FLVCR2: variants seen among roughly 807,000 people sequenced by gnomAD.
FLVCR2 encodes the protein choline/ethanolamine transporter FLVCR2.
FLVCR2 carries 38 observed loss-of-function variants against 48.9 expected under a neutral mutation model. That is an observed-to-expected ratio of 0.78 (90% CI 0.60 to 1.02). The LOEUF (loss-of-function observed/expected upper bound fraction) is 1.02, where lower values mean the gene tolerates loss of function less well. Ranked by LOEUF, FLVCR2 falls within the 50% of genes least tolerant of loss-of-function variation. The pLI is 0.00. For synonymous variants in FLVCR2, 255 were observed against 257.0 expected (o/e 0.99, Z 0.07); for missense variants, 664 against 663.3 (o/e 1.00, Z -0.01).
chr14:75,607,126 T>G (rs1489237256), intron 1 of FLVCR2, among the ~76,000 whole-genome samples: 1 of 152,146 alleles, frequency 6.6e-6, no homozygotes, highest in Non-Finnish European at 1.5e-5. Context: ...GTTTGGGGCC[T>G]CCAGCAGGAT....
Position 75,646,386 on chromosome 14 carries a change from TG to T in FLVCR2, c.1510-14del. The T allele has an allele frequency of 6.2e-7, 1 of 1,608,620 alleles. No individual in the cohort carries two copies. The highest frequency in any genetic ancestry group is 8.5e-7 in the Non-Finnish European group (1 of 1,175,236). On this transcript the variant is annotated splice_polypyrimidine_tract_variant and intron_variant, in intron 9 of 9. Transcript: ENST00000238667. ...GCCTTTACCCACAGCACTGCCTGTTTGTTTTGCTTTATAGAAACTCCAAGAG... is the reference window on the plus strand; with the variant it reads ...GCCTTTACCCACAGCACTGCCTGTTTTTTTGCTTTATAGAAACTCCAAGAG...
intron 1 of FLVCR2, among the ~76,000 whole-genome samples, chr14:75,586,790 T>C (rs1888763358): frequency 6.6e-6 from 1 of 151,974 alleles, no homozygotes; most frequent in South Asian, 2.1e-4. Flanking sequence ...TCCAACATTC[T>C]TCCTTTCGAC....
At chr14:75,607,292 TC>T (rs1889317375) in intron 1 of FLVCR2, among the ~76,000 whole-genome samples, 1 of 152,174 alleles carries the variant, frequency 6.6e-6, no homozygotes, top group African/African-American at 2.4e-5. Flanking sequence ...ATCTATCTTT[TC>T]CCTCTCTACC....
chr14:75,589,759 G>T (rs890545448), intron 1 of FLVCR2, among the ~76,000 whole-genome samples: 1 of 152,212 alleles, frequency 6.6e-6, no homozygotes, highest in African/African-American at 2.4e-5. Context: ...ATATGCGCCT[G>T]CAGATTAGCA....
At chr14:75,609,751 G>A (rs1047493838) in intron 1 of FLVCR2, among the ~76,000 whole-genome samples, 18 of 152,312 alleles carry the variant, frequency 1.2e-4, no homozygotes, top group Admixed American at 7.8e-4. Context: ...GATTTAGAAG[G>A]AAACATGGGA....
At chr14:75,594,676 C>T (rs1235124625) in intron 1 of FLVCR2, among the ~76,000 whole-genome samples, 1 of 152,002 alleles carries the variant, frequency 6.6e-6, no homozygotes, top group East Asian at 1.9e-4. Context: ...ATAACAAACC[C>T]ACCCTCATAA....
At chr14:75,618,149 G>A (rs182758444) in intron 1 of FLVCR2, among the ~76,000 whole-genome samples, 42 of 152,260 alleles carry the variant, frequency 2.8e-4, no homozygotes, top group Admixed American at 1.4e-3. Context: ...TAAGCAGGAC[G>A]TTTTCCAAAG....
intron 3 of FLVCR2, among the ~76,000 whole-genome samples, chr14:75,630,475 C>T (rs1330391678): frequency 6.6e-6 from 1 of 152,142 alleles, no homozygotes; most frequent in African/African-American, 2.4e-5. Flanking sequence ...GATTCTGATT[C>T]AGTAGGTCTA....
At position 75,578,927 on chromosome 14, in the gene FLVCR2, C is replaced by T. The variant is rs1331477272; in HGVS notation, c.-46C>T. ...CAGAGGCCACTGTCCCTTAAGACTGCCGGAGTCCTCACCACTTCTCCAGGA... is the reference window on the plus strand; with the variant it reads ...CAGAGGCCACTGTCCCTTAAGACTGTCGGAGTCCTCACCACTTCTCCAGGA... On this transcript the variant is annotated 5_prime_UTR_variant, in exon 1 of 10. Coordinates refer to ENST00000238667, the MANE Select transcript of FLVCR2 (RefSeq NM_017791.3). 6.3e-7 allele frequency: 1 copy of T among 1,583,802 alleles called. No homozygotes were observed. Among genetic ancestry groups the T allele is most frequent in the Middle Eastern group, 1.7e-4 (1 of 6,010 alleles).
chr14:75,610,141 C>T (rs558933161), intron 1 of FLVCR2, among the ~76,000 whole-genome samples: 13 of 152,328 alleles, frequency 8.5e-5, no homozygotes, highest in African/African-American at 3.1e-4. Context: ...TTCCTCCTTC[C>T]TAGCCGAGTC....
intron 2 of FLVCR2, among the ~76,000 whole-genome samples, 198 bp from the exon 3 acceptor site, chr14:75,624,414 A>G (rs1195049227): frequency 4.6e-5 from 7 of 152,186 alleles, no homozygotes. Context: ...AATGGTATCA[A>G]AGGACCATTC....
At chr14:75,596,782 C>G (rs4474627) in intron 1 of FLVCR2, among the ~76,000 whole-genome samples, 3,080 of 78,196 alleles carry the variant, frequency 0.039, 85 homozygotes, top group Admixed American at 0.1. Flanking sequence ...CCTCTTTTGC[C>G]CCCCCCCCCC....
At chr14:75,612,652 C>CCTGG (rs1248400207) in intron 1 of FLVCR2, among the ~76,000 whole-genome samples, 2 of 152,194 alleles carry the variant, frequency 1.3e-5, no homozygotes, top group African/African-American at 4.8e-5. Flanking sequence ...CGTGGAGCCG[C>CCTGG]CTGGCATTCC....
At chr14:75,602,784 T>A (rs1215559349) in intron 1 of FLVCR2, among the ~76,000 whole-genome samples, 3 of 152,304 alleles carry the variant, frequency 2.0e-5, no homozygotes, top group Admixed American at 6.5e-5. Flanking sequence ...TGAATGTACT[T>A]AACGCTGCTG....
intron 1 of FLVCR2, among the ~76,000 whole-genome samples, chr14:75,589,486 G>T (rs987915363): frequency 6.6e-6 from 1 of 152,216 alleles, no homozygotes; most frequent in African/African-American, 2.4e-5. Context: ...TTACAGCTTT[G>T]CTGGGCTCAG....
intron 1 of FLVCR2, among the ~76,000 whole-genome samples, chr14:75,583,763 T>C (rs987569814): frequency 1.1e-4 from 16 of 152,186 alleles, no homozygotes; most frequent in Non-Finnish European, 2.1e-4. Flanking sequence ...TGGCCGTCAA[T>C]ACCCACAACA....
At position 75,626,937 on chromosome 14, in the gene FLVCR2, T is replaced by C. The variant is rs578062739; in HGVS notation, c.952+2185T>C. 1.1e-3 allele frequency among the ~76,000 whole-genome samples: 168 copies of C among 152,002 alleles called. 7 individuals carry two copies. Among genetic ancestry groups the C allele is most frequent in the African/African-American group, 3.9e-3 (159 of 41,282 alleles). ...CATAAATATTTTCTATAGCTGAAAA[T>C]GGTGACAGTGGTGATAACTGGGCAA... On this transcript the variant is annotated intron_variant, in intron 3 of 9. Transcript: ENST00000238667.
chr14:75,601,275 G>A (rs1179688969), intron 1 of FLVCR2, among the ~76,000 whole-genome samples: 3 of 152,240 alleles, frequency 2.0e-5, no homozygotes, highest in African/African-American at 7.2e-5. Flanking sequence ...CGCCTTGGGC[G>A]GGCCAGGTGT....
intron 5 of FLVCR2, among the ~76,000 whole-genome samples, chr14:75,637,355 T>A (rs1466162584): frequency 6.6e-6 from 1 of 152,226 alleles, no homozygotes; most frequent in African/African-American, 2.4e-5. Context: ...ATGGAGGGTT[T>A]CGTTTGACAC....
Sources: allele counts gnomAD v4.1 joint callset (sites outside exome capture counted in the v4.1 genomes callset), GRCh38; gene constraint gnomAD v4.1.1; transcripts MANE v1.5; gene names NCBI Gene and HGNC (gene_info 2026-07-23, HGNC 2026-07-21).